The following FTO variants were observed in gnomAD, a reference collection of about 807,000 sequenced individuals.
FTO encodes FTO alpha-ketoglutarate dependent dioxygenase.
A neutral mutation model predicts 63.9 loss-of-function variants in FTO; 47 were observed. The observed-to-expected ratio is 0.74, with a 90% CI of 0.58 to 0.94. The LOEUF (loss-of-function observed/expected upper bound fraction) is 0.94, where lower values mean the gene tolerates loss of function less well. Ranked by LOEUF, FTO falls within the 40% of genes least tolerant of loss-of-function variation. The probability of loss-of-function intolerance (pLI) is 0.00; values close to 1 mark genes in which losing one functional copy is unlikely to be tolerated. For synonymous variants in FTO, 207 were observed against 224.4 expected, an observed-to-expected ratio of 0.92 and a Z score of 0.69; for missense variants, 562 against 618.1, an observed-to-expected ratio of 0.91 and a Z score of 0.96.
chr16:53,958,412 A>G (rs978940483), intron 8 of FTO, among the ~76,000 whole-genome samples: 1 of 152,142 alleles, frequency 6.6e-6, no homozygotes, highest in African/African-American at 2.4e-5. Context: ...GCAGCCTGGG[A>G]AGCTGGCGGC....
chr16:54,057,546 C>T (rs1373640939), intron 8 of FTO, among the ~76,000 whole-genome samples: 1 of 152,176 alleles, frequency 6.6e-6, no homozygotes, highest in African/African-American at 2.4e-5. Context: ...TCACTGCAAC[C>T]TCTGCCACCC....
chr16:53,737,260 T>G (rs974320400), intron 1 of FTO, among the ~76,000 whole-genome samples: 2 of 152,216 alleles, frequency 1.3e-5, no homozygotes, highest in Non-Finnish European at 2.9e-5. Flanking sequence ...TGTATATATC[T>G]CTATATACAT....
intron 8 of FTO, among the ~76,000 whole-genome samples, chr16:54,005,491 G>A (rs1350388743): frequency 6.6e-6 from 1 of 151,356 alleles, no homozygotes; most frequent in South Asian, 2.1e-4. Context: ...ATATAACATA[G>A]CTGTGTCCCA....
At chr16:54,041,444 C>G (rs1248536589) in intron 8 of FTO, among the ~76,000 whole-genome samples, 1 of 152,142 alleles carries the variant, frequency 6.6e-6, no homozygotes, top group Non-Finnish European at 1.5e-5. Flanking sequence ...GACACAGAGC[C>G]AAACCATATC....
At chr16:53,923,453 A>T (rs975498820) in intron 7 of FTO, among the ~76,000 whole-genome samples, 1 of 152,210 alleles carries the variant, frequency 6.6e-6, no homozygotes, top group Non-Finnish European at 1.5e-5. Context: ...TCTCTGTTCC[A>T]TATGGCCAGC....
At chr16:53,727,561 A>G (rs939169819) in intron 1 of FTO, among the ~76,000 whole-genome samples, 1 of 152,238 alleles carries the variant, frequency 6.6e-6, no homozygotes, top group African/African-American at 2.4e-5. Context: ...TATGACAGCA[A>G]AAGCCATTTT....
chr16:53,731,954 A>G (rs189955911), intron 1 of FTO, among the ~76,000 whole-genome samples: 30 of 148,858 alleles, frequency 2.0e-4, no homozygotes, highest in Non-Finnish European at 2.7e-4. Flanking sequence ...TCAAACTCCT[A>G]ACCTTAGATA....
chr16:53,729,221 C>A (rs549473123), intron 1 of FTO, among the ~76,000 whole-genome samples: 13 of 151,906 alleles, frequency 8.6e-5, no homozygotes, highest in Non-Finnish European at 1.9e-4. Flanking sequence ...CCACTTCTAC[C>A]TTGCCATCTT....
At chr16:53,966,017 G>A (rs905093004) in intron 8 of FTO, among the ~76,000 whole-genome samples, 3 of 151,976 alleles carry the variant, frequency 2.0e-5, no homozygotes, top group South Asian at 2.1e-4. Flanking sequence ...ACAGGCATAC[G>A]CCACCACGCC....
At chr16:54,041,116 A>C (rs1309213234) in intron 8 of FTO, among the ~76,000 whole-genome samples, 1 of 152,238 alleles carries the variant, frequency 6.6e-6, no homozygotes, top group Non-Finnish European at 1.5e-5. Context: ...ATGCTGTGTT[A>C]GTCCATTCTC....
chr16:53,988,377 G>A (rs1184353044), intron 8 of FTO, among the ~76,000 whole-genome samples: 3 of 152,112 alleles, frequency 2.0e-5, no homozygotes, highest in South Asian at 2.1e-4. Context: ...TATTTTTTAC[G>A]TTGGGGCCTT....
chr16:54,014,008 A>G (rs1250143937), intron 8 of FTO, among the ~76,000 whole-genome samples: 8 of 152,184 alleles, frequency 5.3e-5, no homozygotes, highest in Admixed American at 5.2e-4. Flanking sequence ...AAGCTTGTTT[A>G]CTTTTAGCAG....
chr16:54,081,985 G>A (rs919020104), intron 8 of FTO, among the ~76,000 whole-genome samples: 6 of 152,174 alleles, frequency 3.9e-5, no homozygotes, highest in Admixed American at 2.6e-4. Context: ...CAGAGATACA[G>A]CCTGATTTTC....
chr16:53,882,161 T>A (rs904594552), intron 6 of FTO, among the ~76,000 whole-genome samples: 8 of 152,198 alleles, frequency 5.3e-5, no homozygotes, highest in African/African-American at 1.9e-4. Flanking sequence ...TTTGATATAA[T>A]AAGAAGGATT....
intron 4 of FTO, among the ~76,000 whole-genome samples, chr16:53,863,521 A>G (rs907992774): frequency 6.6e-6 from 1 of 152,202 alleles, no homozygotes; most frequent in Non-Finnish European, 1.5e-5. Flanking sequence ...TGAGCAAACC[A>G]TGGTAGGTTT....
At chr16:53,772,861 C>T (rs1359395116) in intron 1 of FTO, among the ~76,000 whole-genome samples, 1 of 152,098 alleles carries the variant, frequency 6.6e-6, no homozygotes, top group African/African-American at 2.4e-5. Context: ...ACTTTTTAAA[C>T]CATTAGCATT....
rs1345811483 is a variant in FTO at position 54,113,080 on chromosome 16, T to C, written c.*1165T>C. 1.3e-5 allele frequency: 2 copies of C among 152,236 alleles called. No individual in the cohort carries two copies. The highest frequency in any genetic ancestry group is 1.3e-4 in the Admixed American group (2 of 15,284). 9.4% of individuals were successfully genotyped at this position (152,236 alleles called of 1,614,324 possible). ...GAACATTAAGTGAGATGATTCTAGTTACAGACTTAGAACAATTTCCAGCAC... is the reference window on the plus strand; with the variant it reads ...GAACATTAAGTGAGATGATTCTAGTCACAGACTTAGAACAATTTCCAGCAC... On this transcript the variant is annotated 3_prime_UTR_variant, in exon 9 of 9. Coordinates refer to ENST00000471389, the MANE Select transcript of FTO (RefSeq NM_001080432.3).
chr16:53,861,724 G>A (rs1183418914), intron 4 of FTO, among the ~76,000 whole-genome samples: 1 of 151,974 alleles, frequency 6.6e-6, no homozygotes, highest in Non-Finnish European at 1.5e-5. Context: ...TTATTTAACT[G>A]CGTTTATGCT....
At chr16:53,861,120 T>C (rs75194625) in intron 4 of FTO, among the ~76,000 whole-genome samples, 2,814 of 152,290 alleles carry the variant, frequency 0.018, 78 homozygotes, top group African/African-American at 0.061. Flanking sequence ...TTATATATAT[T>C]GCTACAGTGA....
Sources: gnomAD v4.1 joint callset for allele counts (sites outside exome capture counted in the v4.1 genomes callset) on GRCh38, gnomAD v4.1.1 for gene constraint, MANE v1.5 for transcripts, NCBI Gene and HGNC (gene_info 2026-07-23, HGNC 2026-07-21) for gene names.